PPP2R2B: variants seen among roughly 807,000 people sequenced by gnomAD.
The protein encoded by PPP2R2B is protein phosphatase 2 regulatory subunit Bbeta, also known as serine/threonine-protein phosphatase 2A 55 kDa regulatory subunit B beta isoform.
PPP2R2B carries 5 observed loss-of-function variants against 46.0 expected under a neutral mutation model. The observed-to-expected ratio is 0.11, with a 90% CI of 0.06 to 0.23. PPP2R2B has a LOEUF of 0.23. PPP2R2B is among the 10% of genes least tolerant of loss of function. The probability of loss-of-function intolerance (pLI) is 1.00; values close to 1 mark genes in which losing one functional copy is unlikely to be tolerated. For synonymous variants in PPP2R2B, 215 were observed against 206.7 expected, an observed-to-expected ratio of 1.04 and a Z score of -0.34; for missense variants, 367 against 575.0, an observed-to-expected ratio of 0.64 and a Z score of 3.70.
At chr5:146,729,682 G>C (rs1752111274) in intron 2 of PPP2R2B, among the ~76,000 whole-genome samples, 1 of 152,214 alleles carries the variant, frequency 6.6e-6, no homozygotes. Flanking sequence ...CATACAGCTT[G>C]GGCCTGCGGT....
intron 7 of PPP2R2B, among the ~76,000 whole-genome samples, chr5:146,625,659 A>C (rs1237158150): frequency 6.6e-6 from 1 of 152,140 alleles, no homozygotes; most frequent in African/African-American, 2.4e-5. Flanking sequence ...ATGTGCCTTA[A>C]CTGAAACCTG....
intron 2 of PPP2R2B, among the ~76,000 whole-genome samples, chr5:146,832,281 A>G (rs1307405414): frequency 6.6e-6 from 1 of 151,412 alleles, no homozygotes; most frequent in Non-Finnish European, 1.5e-5. Flanking sequence ...TGGCCTTCAC[A>G]TTCACTCACT....
chr5:146,890,071 T>C (rs1210708214), intron 1 of PPP2R2B, among the ~76,000 whole-genome samples: 2 of 152,230 alleles, frequency 1.3e-5, no homozygotes, highest in Non-Finnish European at 2.9e-5. Flanking sequence ...TTTTGCGTCA[T>C]ATGCACCACT....
rs1055614473 is a variant in PPP2R2B at position 146,582,811 on chromosome 5, G to A, written c.*7136C>T. 3 of 152,228 alleles carry A rather than the reference G, an allele frequency of 2.0e-5. No homozygotes were observed. Among genetic ancestry groups the A allele is most frequent in the African/African-American group, 7.2e-5 (3 of 41,458 alleles). 9.4% of individuals were successfully genotyped at this position (152,228 alleles called of 1,614,324 possible). The stretch of plus-strand genomic sequence containing the variant: ...GTTGAGAAAGCATCTCTGAGGAGGT[G>A]ACATTTGAGCTGAGTTTATCAGTAT... On this transcript the variant is annotated 3_prime_UTR_variant, in exon 10 of 10. Transcript: ENST00000394411.
intron 2 of PPP2R2B, among the ~76,000 whole-genome samples, chr5:146,867,358 G>A (rs1271958448): frequency 6.6e-6 from 1 of 152,062 alleles, no homozygotes; most frequent in Admixed American, 6.6e-5. Context: ...TCAAAGGTAA[G>A]GTCTTGATTC....
In PPP2R2B at chr5:146,935,366, T is replaced by C. The variant is rs558427389; in HGVS notation, c.79+120299A>G. Among the ~76,000 whole-genome samples, 21 of 152,314 alleles carry C rather than the reference T, an allele frequency of 1.4e-4. No homozygotes were observed. The East Asian group carries it at 4.0e-3, about 29-fold the overall frequency. ...TTACCAGCACTTTAACCTTGGACTTTCCAGCTTCCAGAACTAGGGGAAATA... is the reference window on the plus strand; with the variant it reads ...TTACCAGCACTTTAACCTTGGACTTCCCAGCTTCCAGAACTAGGGGAAATA... On this transcript the variant is annotated intron_variant, in intron 1 of 8. Transcript: ENST00000336640.
chr5:146,807,815 T>TTTTTA (rs1757279563), intron 2 of PPP2R2B, among the ~76,000 whole-genome samples: 2 of 126,772 alleles, frequency 1.6e-5, no homozygotes, highest in East Asian at 2.4e-4. Flanking sequence ...TTTTTTTTTT[T>TTTTTA]GAGAAGACAG....
intron 2 of PPP2R2B, among the ~76,000 whole-genome samples, chr5:146,718,360 C>A (rs1242239561): frequency 2.0e-5 from 3 of 151,730 alleles, no homozygotes; most frequent in Non-Finnish European, 4.4e-5. Flanking sequence ...TGTACTACAG[C>A]CTGGGTGACA....
At chr5:147,057,466 G>A (rs1214651732), upstream of PPP2R2B, among the ~76,000 whole-genome samples, 1 of 152,138 alleles carries the variant, frequency 6.6e-6, no homozygotes, top group African/African-American at 2.4e-5. Flanking sequence ...AAGGAGTGTG[G>A]GCTTTGGGTT....
chr5:146,976,462 C>T (rs909638198), intron 1 of PPP2R2B, among the ~76,000 whole-genome samples: 1 of 151,984 alleles, frequency 6.6e-6, no homozygotes, highest in Non-Finnish European at 1.5e-5. Flanking sequence ...TTATGTTTTC[C>T]ATTTAGGTCT....
At chr5:146,954,756 A>ATGTGTGTGTGTGTGTG (rs149370877) in intron 1 of PPP2R2B, among the ~76,000 whole-genome samples, 24 of 146,646 alleles carry the variant, frequency 1.6e-4, no homozygotes, top group African/African-American at 5.5e-4. Flanking sequence ...ATGTGTATAT[A>ATGTGTGTGTGTGTGTG]TGTGTGTGTG....
At chr5:146,784,256 T>C (rs989004190) in intron 2 of PPP2R2B, among the ~76,000 whole-genome samples, 1 of 152,152 alleles carries the variant, frequency 6.6e-6, no homozygotes, top group Non-Finnish European at 1.5e-5. Flanking sequence ...AAAACAAAAA[T>C]TTAGTCACAA....
intron 6 of PPP2R2B, among the ~76,000 whole-genome samples, chr5:146,646,822 G>T (rs1276533510): frequency 6.6e-6 from 1 of 152,080 alleles, no homozygotes; most frequent in Non-Finnish European, 1.5e-5. Context: ...CATTTGCTTA[G>T]CAAGGCACTA....
At chr5:147,068,389 A>G (rs1272909697) in intron 2 of PPP2R2B, among the ~76,000 whole-genome samples, 3 of 152,212 alleles carry the variant, frequency 2.0e-5, no homozygotes, top group Non-Finnish European at 4.4e-5. Context: ...ATCTGTTCAT[A>G]GGTCATTCTC....
At chr5:146,677,045 T>C (rs201455654) in intron 5 of PPP2R2B, among the ~76,000 whole-genome samples, 33,646 of 152,102 alleles carry the variant, frequency 0.22, 5,131 homozygotes, top group African/African-American at 0.42. Flanking sequence ...TGAACTCCTA[T>C]CTTTGTTGTC....
chr5:146,910,887 T>C (rs1017996787), intron 1 of PPP2R2B, among the ~76,000 whole-genome samples: 7 of 152,206 alleles, frequency 4.6e-5, no homozygotes, highest in African/African-American at 1.7e-4. Flanking sequence ...TCTCCCTGAA[T>C]ATCCCACTGG....
chr5:146,643,675 C>T (rs1394934304), intron 6 of PPP2R2B, among the ~76,000 whole-genome samples: 1 of 152,160 alleles, frequency 6.6e-6, no homozygotes, highest in East Asian at 1.9e-4. Flanking sequence ...ACCAAATTCT[C>T]ACAAATCACC....
intron 1 of PPP2R2B, among the ~76,000 whole-genome samples, chr5:146,885,212 A>C (rs1762283078): frequency 6.6e-6 from 1 of 152,124 alleles, no homozygotes; most frequent in Non-Finnish European, 1.5e-5. Context: ...TATCATCTCC[A>C]TTTTACTGAG....
chr5:146,824,550 G>A (rs1582196313), intron 2 of PPP2R2B, among the ~76,000 whole-genome samples: 1 of 152,050 alleles, frequency 6.6e-6, no homozygotes, highest in Admixed American at 6.6e-5. Flanking sequence ...TGAGTTTTGG[G>A]GGAAAGCATT....
Sources: allele counts gnomAD v4.1 joint callset (sites outside exome capture counted in the v4.1 genomes callset), GRCh38; gene constraint gnomAD v4.1.1; transcripts MANE v1.5; gene names NCBI Gene and HGNC (gene_info 2026-07-23, HGNC 2026-07-21).